Variants in ANKRD50 observed in about 807,000 individuals in gnomAD.
ANKRD50 encodes ankyrin repeat domain-containing protein 50.
In ANKRD50, 40 loss-of-function variants were observed where a neutral mutation model predicts 112.0. That is an observed-to-expected ratio of 0.36 (90% CI 0.28 to 0.46). ANKRD50 has a LOEUF of 0.46. Ranked by LOEUF, ANKRD50 falls within the 20% of genes least tolerant of loss-of-function variation. ANKRD50 has a pLI of 1.00. For synonymous variants in ANKRD50, 613 were observed against 619.1 expected (o/e 0.99, Z 0.15); for missense variants, 1,487 against 1,701.7 (o/e 0.87, Z 2.22).
chr4:124,682,708 T>C (rs1164410218), intron 2 of ANKRD50, among the ~76,000 whole-genome samples: 4 of 151,470 alleles, frequency 2.6e-5, no homozygotes, highest in Non-Finnish European at 5.9e-5. Flanking sequence ...ACCTTTCTTT[T>C]AATTAGGGTT....
At chr4:124,700,828 G>A (rs1725373525) in intron 2 of ANKRD50, among the ~76,000 whole-genome samples, 1 of 152,186 alleles carries the variant, frequency 6.6e-6, no homozygotes, top group African/African-American at 2.4e-5. Flanking sequence ...AGGCTAGCAA[G>A]ATCTTGTCCT....
chr4:124,671,967 G>A lies in ANKRD50; in HGVS notation c.1310C>T (p.Ala437Val). 6.2e-7 allele frequency: 1 copy of A among 1,613,886 alleles called. No homozygotes were observed. Among genetic ancestry groups the A allele is most frequent in the Non-Finnish European group, 8.5e-7 (1 of 1,179,858 alleles). The part of the protein sequence containing the change: ...CNAAEGHRML[A>V]MSYTCQAKNL... ...CTTGGCTTGACAGGTATAACTCATAGCCAACATTCTGTGTCCTTCTGCTGC... is the reference window on the plus strand; with the variant it reads ...CTTGGCTTGACAGGTATAACTCATAACCAACATTCTGTGTCCTTCTGCTGC... The change falls in exon 4 of 5, where the codon GCT becomes GTT. Residue 437 changes from alanine (A) to valine (V), a missense_variant. This residue lies in a region of ANKRD50 where 1,046 missense variants were observed against 1,269.5 expected (regional missense o/e 0.82). Transcript: ENST00000504087.
At position 124,710,592 on chromosome 4, in the gene ANKRD50, T is replaced by C. The variant is rs1725607927; in HGVS notation, c.-81A>G. Reference sequence around the variant, plus strand: ...CATCCATTATGACATAACTTGTATATTAAGTTGACTCTGAAGACAGAGTAA... The same window carrying C: ...CATCCATTATGACATAACTTGTATACTAAGTTGACTCTGAAGACAGAGTAA... On this transcript the variant is annotated 5_prime_UTR_variant, in exon 2 of 5. Coordinates refer to ENST00000504087, the MANE Select transcript of ANKRD50 (RefSeq NM_020337.3). 6.2e-6 allele frequency: 9 copies of C among 1,452,372 alleles called. No individual in the cohort carries two copies. The highest frequency in any genetic ancestry group is 1.8e-4 in the Middle Eastern group (1 of 5,414). 90.0% of individuals were successfully genotyped at this position (1,452,372 alleles called of 1,614,324 possible). A position where few individuals can be genotyped will look rare whatever the true frequency, so the allele number is the denominator to read the frequency against.
Position 124,671,019 on chromosome 4 carries a change from A to C in ANKRD50, c.2258T>G (p.Leu753Arg), listed in dbSNP as rs1238337273. Reference sequence around the variant, plus strand: ...AACATGTCCTTCATAGGCAGCTACCAGCAGTGGAGTCATGCCATCTTTATC... The same window carrying C: ...AACATGTCCTTCATAGGCAGCTACCCGCAGTGGAGTCATGCCATCTTTATC... ...HCDKDGMTPLLVAAYEGHVDV... is the reference protein window; with the variant it reads ...HCDKDGMTPLRVAAYEGHVDV... The change falls in exon 4 of 5, where the codon CTG becomes CGG. Residue 753 changes from leucine to arginine, a missense_variant. Transcript: ENST00000504087. 1.2e-6 allele frequency: 2 copies of C among 1,613,844 alleles called. No homozygotes were observed. Among genetic ancestry groups the C allele is most frequent in the South Asian group, 2.2e-5 (2 of 91,090 alleles).
At position 124,710,673 on chromosome 4, in the gene ANKRD50, G is replaced by A. The variant is rs917390333; in HGVS notation, c.-162C>T. 2.2e-5 allele frequency: 18 copies of A among 834,460 alleles called. No homozygotes were observed. The highest frequency in any genetic ancestry group is 2.8e-5 in the Non-Finnish European group (15 of 539,238). The allele number at this position is 834,460 out of a possible 1,614,324, so 51.7% of individuals were successfully genotyped here. ...GTTCCTCTGTCAACAGAACGTGCAT[G>A]ACTTTATTTGGTTCCTTATTCTTGA... On this transcript the variant is annotated 5_prime_UTR_variant, in exon 2 of 5. Coordinates refer to ENST00000504087, the MANE Select transcript of ANKRD50 (RefSeq NM_020337.3).
Position 124,669,698 on chromosome 4 carries a change from T to C in ANKRD50, c.3579A>G (p.Arg1193=), listed in dbSNP as rs1291018404. The C allele has an allele frequency of 6.2e-7, 1 of 1,613,172 alleles. No homozygotes were observed. Among genetic ancestry groups the C allele is most frequent in the African/African-American group, 1.3e-5 (1 of 74,964 alleles). ...SLKSSKNSSL[R]TTSSTATAQT... The stretch of plus-strand genomic sequence containing the variant: ...GAGCCGTTGCTGTAGATGAAGTAGT[T>C]CTCAAAGATGAATTTTTTGAGCTTT... Residue 1193 remains arginine (R), a synonymous_variant, in exon 4 of 5, where the codon AGA becomes AGG. Transcript: ENST00000504087.
chr4:124,681,702 A>G (rs1051777181), intron 2 of ANKRD50, among the ~76,000 whole-genome samples: 8 of 152,212 alleles, frequency 5.3e-5, no homozygotes, highest in Non-Finnish European at 7.4e-5. Flanking sequence ...TGCCTATTCC[A>G]GGATATTTGC....
chr4:124,705,342 G>C (rs1012877600), intron 2 of ANKRD50, among the ~76,000 whole-genome samples: 1 of 152,060 alleles, frequency 6.6e-6, no homozygotes, highest in East Asian at 1.9e-4. Context: ...TCAAAACTTA[G>C]AGTTATTCAT....
chr4:124,679,908 T>C (rs1199344919), intron 2 of ANKRD50, among the ~76,000 whole-genome samples: 2 of 152,230 alleles, frequency 1.3e-5, no homozygotes. Flanking sequence ...TGTGAGTTTC[T>C]ACTGCAGCCA....
In ANKRD50 at chr4:124,671,692, G is replaced by C; in HGVS notation, c.1585C>G (p.Arg529Gly). 1 of 1,613,808 alleles carries C rather than the reference G, an allele frequency of 6.2e-7. No individual in the cohort carries two copies. Among genetic ancestry groups the C allele is most frequent in the Non-Finnish European group, 8.5e-7 (1 of 1,179,840 alleles). ...GAAGCTCCATTATCTAATAATGTCC[G>C]AATGGAATCCTCTCTTTCTAAGGCT... ...RQALEREDSI[R>G]TLLDNGASVN... The change falls in exon 4 of 5, where the codon CGG becomes GGG. Residue 529 changes from arginine (R) to glycine (G), a missense_variant. By Grantham distance (125) the Arg-to-Gly change is moderately radical. This residue lies in a region of ANKRD50 where 1,046 missense variants were observed against 1,269.5 expected (regional missense o/e 0.82). Coordinates refer to ENST00000504087, the MANE Select transcript of ANKRD50 (RefSeq NM_020337.3).
chr4:124,669,800 A>G lies in ANKRD50; in HGVS notation c.3477T>C (p.His1159=). ...SLRGLPNGPT[H]AFSSPSESPD... Reference sequence around the variant, plus strand: ...GAGATTCTGAAGGAGAACTAAAAGCATGAGTAGGCCCATTAGGTAAACCAC... The same window carrying G: ...GAGATTCTGAAGGAGAACTAAAAGCGTGAGTAGGCCCATTAGGTAAACCAC... Residue 1159 remains histidine, a synonymous_variant, in exon 4 of 5, where the codon CAT becomes CAC. Transcript: ENST00000504087. The G allele has an allele frequency of 4.3e-6, 7 of 1,613,446 alleles. No individual in the cohort carries two copies. Among genetic ancestry groups the G allele is most frequent in the Non-Finnish European group, 5.9e-6 (7 of 1,179,758 alleles).
chr4:124,666,499 T>TG lies in ANKRD50; in HGVS notation c.*1018dup, dbSNP rs1560815117. 2 of 152,552 alleles carry TG rather than the reference T, an allele frequency of 1.3e-5. No homozygotes were observed. Among genetic ancestry groups the TG allele is most frequent in the East Asian group, 3.9e-4 (2 of 5,178 alleles). 9.4% of individuals were successfully genotyped at this position (152,552 alleles called of 1,614,324 possible). A position where few individuals can be genotyped will look rare whatever the true frequency, so the allele number is the denominator to read the frequency against. On this transcript the variant is annotated 3_prime_UTR_variant, in exon 5 of 5. Transcript: ENST00000504087. ...TAAAATTAATCCAATTGATTTTGAG[T>TG]GGGGCTATTTTGGTCATGCAGCAAT... is the stretch of plus-strand genomic sequence containing the variant.
At chr4:124,690,164 C>T (rs1294963162) in intron 2 of ANKRD50, among the ~76,000 whole-genome samples, 3 of 152,178 alleles carry the variant, frequency 2.0e-5, no homozygotes, top group Non-Finnish European at 4.4e-5. Flanking sequence ...AGGAGTACCT[C>T]TCAAATGCAG....
intron 2 of ANKRD50, among the ~76,000 whole-genome samples, chr4:124,705,348 T>C (rs1725482535): frequency 6.6e-6 from 1 of 152,212 alleles, no homozygotes; most frequent in Non-Finnish European, 1.5e-5. Context: ...CTTAGAGTTA[T>C]TCATCTTTAA....
chr4:124,669,688 A>G lies in ANKRD50; in HGVS notation c.3589T>C (p.Ser1197Pro), dbSNP rs1454591372. Residue 1197 changes from serine (S) to proline (P), a missense_variant, in exon 4 of 5, where the codon TCT (serine) becomes CCT (proline). By Grantham distance (74) the Ser-to-Pro change is moderately conservative (BLOSUM62 -1). This residue lies in a region of ANKRD50 where 441 missense variants were observed against 432.2 expected (regional missense o/e 1.02). Coordinates refer to ENST00000504087, the MANE Select transcript of ANKRD50 (RefSeq NM_020337.3). ...GGCACTGTTTGAGCCGTTGCTGTAG[A>G]TGAAGTAGTTCTCAAAGATGAATTT... ...SKNSSLRTTS[S>P]TATAQTVPID... 1 of 1,613,032 alleles carries G rather than the reference A, an allele frequency of 6.2e-7. No individual in the cohort carries two copies. The highest frequency in any genetic ancestry group is 1.1e-5 in the South Asian group (1 of 90,736).
intron 3 of ANKRD50, among the ~76,000 whole-genome samples, chr4:124,673,917 AATTG>A (rs1000359926): frequency 2.6e-5 from 4 of 152,048 alleles, no homozygotes; most frequent in South Asian, 2.1e-4. Flanking sequence ...ATACACACAC[AATTG>A]ATTATTAAAT....
At chr4:124,686,751 G>A (rs1171922243) in intron 2 of ANKRD50, among the ~76,000 whole-genome samples, 3 of 152,120 alleles carry the variant, frequency 2.0e-5, no homozygotes, top group Non-Finnish European at 4.4e-5. Context: ...AAGAATTTGA[G>A]AGCTGAAGGT....
chr4:124,669,720 C>G lies in ANKRD50; in HGVS notation c.3557G>C (p.Ser1186Thr), dbSNP rs989679537. 10 of 1,612,968 alleles carry G rather than the reference C, an allele frequency of 6.2e-6. No individual in the cohort carries two copies. Among genetic ancestry groups the G allele is most frequent in the Non-Finnish European group, 8.5e-6 (10 of 1,179,720 alleles). ...AGTTCTCAAAGATGAATTTTTTGAG[C>G]TTTTCAGGGAATTATTTGACAGTGA... ...KSSLSNNSLKSSKNSSLRTTS... is the reference protein window; with the variant it reads ...KSSLSNNSLKTSKNSSLRTTS... The change falls in exon 4 of 5, where the codon AGC (serine) becomes ACC (threonine). Residue 1186 changes from serine to threonine, a missense_variant. Physicochemically the swap from Ser to Thr is moderately conservative, Grantham distance 58. Transcript: ENST00000504087.
intron 2 of ANKRD50, 122 bp from the exon 3 acceptor site, chr4:124,679,027 A>G (rs1450941907): frequency 1.4e-6 from 1 of 733,420 alleles, no homozygotes; most frequent in Non-Finnish European, 2.2e-6. Context: ...ATTAGAACAA[A>G]AAATATTATA....
Sources: allele counts gnomAD v4.1 joint callset (sites outside exome capture counted in the v4.1 genomes callset), GRCh38; gene constraint gnomAD v4.1.1; regional missense constraint gnomAD v4.1.1; transcripts MANE v1.5; gene names NCBI Gene and HGNC (gene_info 2026-07-23, HGNC 2026-07-21).